Variants in HGD observed in about 807,000 individuals in gnomAD.
HGD encodes homogentisate 1,2-dioxygenase.
HGD carries 61 observed loss-of-function variants against 60.8 expected under a neutral mutation model. That is an observed-to-expected ratio of 1.00 (90% CI 0.82 to 1.24). The LOEUF (loss-of-function observed/expected upper bound fraction) is 1.24. Among genes scored for constraint, HGD ranks in the 50% most tolerant of loss-of-function variants. The probability of loss-of-function intolerance (pLI) is 0.00; values close to 1 mark genes in which losing one functional copy is unlikely to be tolerated. For missense variants in HGD, 542 were observed against 547.1 expected (o/e 0.99, Z 0.09); for synonymous variants, 212 against 187.7 (o/e 1.13, Z -1.06).
chr3:120,667,451 T>G (rs1280268586), intron 4 of HGD, among the ~76,000 whole-genome samples: 1 of 150,010 alleles, frequency 6.7e-6, no homozygotes, highest in Non-Finnish European at 1.5e-5. Context: ...TCATGTTAAA[T>G]AAAATGTAGC....
At chr3:120,649,139 C>CTTTTTTTTTTTTTTT (rs10572267) in intron 6 of HGD, among the ~76,000 whole-genome samples, 24 of 94,406 alleles carry the variant, frequency 2.5e-4, no homozygotes, top group African/African-American at 3.4e-4. Flanking sequence ...TCTTCTTTTT[C>CTTTTTTTTTTTTTTT]TTTTTTTTTT....
intron 5 of HGD, 23 bp downstream of exon 5, chr3:120,652,569 G>C (rs1488558105): frequency 1.3e-6 from 2 of 1,570,640 alleles, no homozygotes; most frequent in Non-Finnish European, 8.8e-7. Flanking sequence ...GCAGTAGGGA[G>C]GGTGTGGATG....
At chr3:120,637,390 TA>T (rs1246980131) in intron 12 of HGD, among the ~76,000 whole-genome samples, 20 of 152,166 alleles carry the variant, frequency 1.3e-4, no homozygotes, top group Non-Finnish European at 2.6e-4. Flanking sequence ...GTTAGTTTTT[TA>T]AAAAACTTGT....
chr3:120,633,660 C>T (rs1262562176), intron 12 of HGD: 2 of 1,197,084 alleles, frequency 1.7e-6, no homozygotes, highest in Middle Eastern at 2.2e-4. Flanking sequence ...AGCGAATGTA[C>T]TCTATCATCT....
intron 3 of HGD, chr3:120,674,647 G>A (rs1708088072): frequency 7.0e-6 from 3 of 429,936 alleles, no homozygotes; most frequent in African/African-American, 6.1e-5. Context: ...CTGAATATAG[G>A]AGGTAATTTG....
chr3:120,657,818 TGAGAGA>T (rs71133511), intron 4 of HGD, among the ~76,000 whole-genome samples: 4 of 147,078 alleles, frequency 2.7e-5, no homozygotes, highest in Non-Finnish European at 6.0e-5. Context: ...GGAACAGGAG[TGAGAGA>T]GAGAGAGAGA....
At chr3:120,669,447 GCACACACACACACA>G (rs59426684) in intron 4 of HGD, among the ~76,000 whole-genome samples, 69 of 145,620 alleles carry the variant, frequency 4.7e-4, no homozygotes, top group Admixed American at 4.8e-4. Context: ...GTGCGCATGT[GCACACACACACACA>G]CACACACACA....
At chr3:120,664,516 C>T (rs547404469) in intron 4 of HGD, among the ~76,000 whole-genome samples, 3 of 148,858 alleles carry the variant, frequency 2.0e-5, no homozygotes, top group South Asian at 4.3e-4. Flanking sequence ...CAGCCCTGAC[C>T]TCCCAGGCTC....
intron 12 of HGD, among the ~76,000 whole-genome samples, chr3:120,636,548 A>T (rs977934723): frequency 6.6e-6 from 1 of 152,146 alleles, no homozygotes; most frequent in Non-Finnish European, 1.5e-5. Flanking sequence ...AGCCAGGGCA[A>T]TTTTCTCTCC....
At chr3:120,631,897 C>G (rs138372870) in intron 13 of HGD, among the ~76,000 whole-genome samples, 1 of 152,190 alleles carries the variant, frequency 6.6e-6, no homozygotes, top group Non-Finnish European at 1.5e-5. Context: ...CCCTGTCCTA[C>G]GCCTCACTGT....
intron 6 of HGD, among the ~76,000 whole-genome samples, chr3:120,650,130 C>T (rs1941294513): frequency 6.6e-6 from 1 of 152,158 alleles, no homozygotes; most frequent in South Asian, 2.1e-4. Context: ...ACATTTTAAA[C>T]CAATGGGAAA....
intron 4 of HGD, among the ~76,000 whole-genome samples, chr3:120,666,078 G>A (rs1250882776): frequency 6.6e-6 from 1 of 152,174 alleles, no homozygotes; most frequent in Admixed American, 6.5e-5. Flanking sequence ...CAAAAGGGTA[G>A]ATTTTGCAAG....
chr3:120,668,366 G>A (rs1707947527), intron 4 of HGD, among the ~76,000 whole-genome samples: 1 of 151,972 alleles, frequency 6.6e-6, no homozygotes, highest in Admixed American at 6.6e-5. Context: ...GAGAGAACTG[G>A]GCAGGAAACC....
chr3:120,630,346 G>A (rs974151056), intron 13 of HGD, among the ~76,000 whole-genome samples: 1 of 152,176 alleles, frequency 6.6e-6, no homozygotes, highest in East Asian at 1.9e-4. Context: ...AACAAAGCAG[G>A]AGGCATCATG....
At chr3:120,673,384 G>A (rs958970367) in intron 3 of HGD, among the ~76,000 whole-genome samples, 3 of 152,140 alleles carry the variant, frequency 2.0e-5, no homozygotes, top group South Asian at 2.1e-4. Flanking sequence ...TGCAGAATCC[G>A]GAGACCAGGT....
Position 120,633,323 on chromosome 3 carries a change from A to C in HGD, c.1012T>G (p.Cys338Gly), listed in dbSNP as rs933646346. 3 of 1,614,056 alleles carry C rather than the reference A, an allele frequency of 1.9e-6. No homozygotes were observed. The Admixed American group carries it at 5.0e-5, about 27-fold the overall frequency. Residue 338 changes from cysteine (C) to glycine (G), a missense_variant, in exon 13 of 14, where the codon TGC becomes GGC. Around this residue, in one of 2 missense-constraint regions of HGD, gnomAD observed 537 missense variants for 529.1 expected, o/e 1.01. Coordinates refer to ENST00000283871, the MANE Select transcript of HGD (RefSeq NM_000187.4). The part of the protein sequence containing the change: ...TFRPPYYHRN[C>G]MSEFMGLIRG... ...ATGAGTCCCATGAACTCACTCATGC[A>C]GTTCCCTGGGAAGGTTGAAGCAGTA...
intron 6 of HGD, among the ~76,000 whole-genome samples, chr3:120,650,514 T>G (rs558140546): frequency 6.6e-6 from 1 of 152,366 alleles, no homozygotes; most frequent in South Asian, 2.1e-4. Flanking sequence ...ATTCCAGGGC[T>G]CCATCCTCCC....
intron 4 of HGD, among the ~76,000 whole-genome samples, chr3:120,661,231 C>T (rs546051329): frequency 6.6e-6 from 1 of 152,264 alleles, no homozygotes; most frequent in African/African-American, 2.4e-5. Context: ...CAAGCTTTCC[C>T]TCCTTTTAAT....
chr3:120,647,004 A>T lies in HGD; in HGVS notation c.518T>A (p.Leu173His). The change falls in exon 8 of 14, where the codon CTT (leucine) becomes CAT (histidine). Residue 173 changes from leucine to histidine, a missense_variant. By Grantham distance (99) the Leu-to-His change is moderately conservative. Transcript: ENST00000283871. ...LLIYTEFGKM[L>H]VQPNEICVIQ... ...GACGCAGATCTCATTGGGCTGTACA[A>T]GCATCTTGCCAAACTCGGTGTAAAT... 3 of 1,614,110 alleles carry T rather than the reference A, an allele frequency of 1.9e-6. No homozygotes were observed. In the African/African-American group the frequency reaches 4.0e-5, roughly 22 times the overall value.
Sources: gnomAD v4.1 joint callset for allele counts (sites outside exome capture counted in the v4.1 genomes callset) on GRCh38, gnomAD v4.1.1 for gene constraint, gnomAD v4.1.1 regional missense constraint, MANE v1.5 for transcripts, NCBI Gene and HGNC (gene_info 2026-07-23, HGNC 2026-07-21) for gene names.